VAC14: variants seen among roughly 807,000 people sequenced by gnomAD.
VAC14 encodes VAC14 component of PIKFYVE complex.
In VAC14, 47 loss-of-function variants were observed where a neutral mutation model predicts 85.3. That is an observed-to-expected ratio of 0.55 (90% CI 0.44 to 0.70). The LOEUF is 0.70. Among genes scored for constraint, VAC14 ranks in the 30% least tolerant of loss-of-function variants. VAC14 has a pLI of 0.00. For missense variants in VAC14, 861 were observed against 1,004.3 expected (o/e 0.86, Z 1.93); for synonymous variants, 447 against 430.5 (o/e 1.04, Z -0.47).
At chr16:70,750,617 G>A (rs138827285) in intron 12 of VAC14, among the ~76,000 whole-genome samples, 4 of 152,222 alleles carry the variant, frequency 2.6e-5, no homozygotes, top group East Asian at 1.9e-4. Context: ...TGCCTTCCAC[G>A]GTGGTGACTT....
At chr16:70,729,635 C>T (rs756358681) in intron 14 of VAC14, among the ~76,000 whole-genome samples, 2 of 152,024 alleles carry the variant, frequency 1.3e-5, no homozygotes, top group African/African-American at 2.4e-5. Flanking sequence ...TCTGGCCCTT[C>T]GTCATAGCCT....
At chr16:70,790,968 T>C (rs976217390) in intron 1 of VAC14, among the ~76,000 whole-genome samples, 1 of 152,218 alleles carries the variant, frequency 6.6e-6, no homozygotes, top group Non-Finnish European at 1.5e-5. Flanking sequence ...GCACCGGGCC[T>C]GGGGTCAACC....
Position 70,692,866 on chromosome 16 carries a change from G to C in VAC14, c.2141C>G (p.Ser714Trp). 6.2e-7 allele frequency: 1 copy of C among 1,605,516 alleles called. No individual in the cohort carries two copies. Among genetic ancestry groups the C allele is most frequent in the East Asian group, 2.2e-5 (1 of 44,592 alleles). Residue 714 changes from serine to tryptophan, a missense_variant, in exon 18 of 19, where the codon TCG becomes TGG. By Grantham distance (177) the Ser-to-Trp change is radical. Coordinates refer to ENST00000261776, the MANE Select transcript of VAC14 (RefSeq NM_018052.5). ...LPQSSAFQLL[S>W]HRLQCVPNPE... ...GTTGGGCACGCACTGGAGCCGGTGCGAGAGCAGCTGGAAGGCGCTGCTCTG... is the reference window on the plus strand; with the variant it reads ...GTTGGGCACGCACTGGAGCCGGTGCCAGAGCAGCTGGAAGGCGCTGCTCTG...
Position 70,690,766 on chromosome 16 carries a change from T to C in VAC14, c.2186+2055A>G, listed in dbSNP as rs2053581517. 26 of 985,542 alleles carry C rather than the reference T, an allele frequency of 2.6e-5. No homozygotes were observed. In the South Asian group the frequency reaches 7.0e-4, roughly 27 times the overall value. 61.0% of individuals were successfully genotyped at this position (985,542 alleles called of 1,614,324 possible). A position where few individuals can be genotyped will look rare whatever the true frequency, so the allele number is the denominator to read the frequency against. Reference sequence around the variant, plus strand: ...GTGAGCCGTCCTCTGGGCCCCACCCTGCAATCTGACCCCTCCCCCAGCTGT... The same window carrying C: ...GTGAGCCGTCCTCTGGGCCCCACCCCGCAATCTGACCCCTCCCCCAGCTGT... On this transcript the variant is annotated intron_variant, in intron 18 of 18. Transcript: ENST00000261776.
At chr16:70,692,303 C>T (rs1014314827) in intron 18 of VAC14, among the ~76,000 whole-genome samples, 2 of 151,750 alleles carry the variant, frequency 1.3e-5, no homozygotes, top group Admixed American at 6.6e-5. Context: ...CCTCCCACCC[C>T]ACCCCGGAAG....
At chr16:70,744,000 C>G (rs903550034) in intron 13 of VAC14, among the ~76,000 whole-genome samples, 6 of 152,076 alleles carry the variant, frequency 3.9e-5, no homozygotes, top group African/African-American at 1.4e-4. Context: ...CCTGGGCTGC[C>G]TGCCACGTGC....
At chr16:70,721,317 C>G (rs1004671264) in intron 14 of VAC14, among the ~76,000 whole-genome samples, 1 of 151,550 alleles carries the variant, frequency 6.6e-6, no homozygotes, top group Non-Finnish European at 1.5e-5. Flanking sequence ...GGGATGAGAG[C>G]CCTGGGGATG....
intron 14 of VAC14, among the ~76,000 whole-genome samples, chr16:70,711,851 A>T (rs2054041058): frequency 6.6e-6 from 1 of 152,248 alleles, no homozygotes; most frequent in African/African-American, 2.4e-5. Flanking sequence ...GTCAGGAAAC[A>T]GGACGAGAAG....
intron 14 of VAC14, chr16:70,700,357 C>T (rs956601659): frequency 3.3e-5 from 5 of 152,252 alleles, no homozygotes; most frequent in East Asian, 1.9e-4. Context: ...TTCATCTCCC[C>T]GCGCATGCCA....
chr16:70,728,584 G>C (rs143985064), intron 14 of VAC14, among the ~76,000 whole-genome samples: 1 of 152,346 alleles, frequency 6.6e-6, no homozygotes, highest in African/African-American at 2.4e-5. Flanking sequence ...CAGAGCCTCA[G>C]GCCCTGAGCG....
chr16:70,696,140 G>T (rs1294968659), intron 16 of VAC14, among the ~76,000 whole-genome samples: 1 of 152,230 alleles, frequency 6.6e-6, no homozygotes, highest in Non-Finnish European at 1.5e-5. Context: ...GGCTGGTCAT[G>T]TTGCCTTCTA....
Position 70,705,069 on chromosome 16 carries a change from C to G in VAC14, c.1662-6258G>C, listed in dbSNP as rs915520324. Among the ~76,000 whole-genome samples the G allele has an allele frequency of 1.9e-4, 29 of 152,362 alleles. No homozygotes were observed. The Middle Eastern group carries it at 0.014, about 71-fold the overall frequency. ...TTTGCTCGGGATACTTGTGCCGGCT[C>G]CCTTTGGGGACCCTCCTCTGGCTCT... is the stretch of plus-strand genomic sequence containing the variant. On this transcript the variant is annotated intron_variant, in intron 14 of 18. Coordinates refer to ENST00000261776, the MANE Select transcript of VAC14 (RefSeq NM_018052.5).
At chr16:70,692,791 C>CG in intron 18 of VAC14, 30 bp downstream of exon 18, 1 of 1,582,864 alleles carries the variant, frequency 6.3e-7, no homozygotes, top group Non-Finnish European at 8.6e-7. Context: ...GCTCAGGGGG[C>CG]GGGGGCAGCA....
intron 12 of VAC14, among the ~76,000 whole-genome samples, chr16:70,756,603 C>T (rs2031883052): frequency 6.6e-6 from 1 of 152,166 alleles, no homozygotes; most frequent in South Asian, 2.1e-4. Flanking sequence ...CCTCAAGGCG[C>T]CCCATTCCTC....
chr16:70,777,428 CA>C (rs1555525872), intron 9 of VAC14, among the ~76,000 whole-genome samples: 1 of 152,198 alleles, frequency 6.6e-6, no homozygotes, highest in Non-Finnish European at 1.5e-5. Context: ...CTGAGGGGAA[CA>C]GATATAAAGT....
At chr16:70,760,000 T>A (rs1318427540) in intron 12 of VAC14, among the ~76,000 whole-genome samples, 8 of 152,278 alleles carry the variant, frequency 5.3e-5, no homozygotes, top group South Asian at 4.1e-4. Flanking sequence ...CAGAGAACCG[T>A]CGTGAGGGTT....
intron 14 of VAC14, among the ~76,000 whole-genome samples, chr16:70,707,814 T>C (rs1567528602): frequency 1.3e-5 from 2 of 151,652 alleles, no homozygotes; most frequent in South Asian, 2.1e-4. Context: ...TTTTTTTTTT[T>C]CAAGATGGAG....
chr16:70,800,902 G>T lies in VAC14; in HGVS notation c.-2C>A. On this transcript the variant is annotated 5_prime_UTR_variant, in exon 1 of 19. Transcript: ENST00000261776. ...CGCGAAATCCTTCTCGGGGTTCATG[G>T]TGGCAGCTGGGGGAACCTCGCGACT... 1 of 1,583,520 alleles carries T rather than the reference G, an allele frequency of 6.3e-7. No individual in the cohort carries two copies. The highest frequency in any genetic ancestry group is 2.4e-5 in the East Asian group (1 of 41,836).
chr16:70,751,270 C>G (rs2031363670), intron 12 of VAC14, among the ~76,000 whole-genome samples: 1 of 152,212 alleles, frequency 6.6e-6, no homozygotes, highest in Non-Finnish European at 1.5e-5. Context: ...CCTCTCCAGG[C>G]CTGGCCAGGA....
Sources: allele counts gnomAD v4.1 joint callset (sites outside exome capture counted in the v4.1 genomes callset), GRCh38; gene constraint gnomAD v4.1.1; transcripts MANE v1.5; gene names NCBI Gene and HGNC (gene_info 2026-07-23, HGNC 2026-07-21).